Variants in ADAM12 observed in about 807,000 individuals in gnomAD.
The protein encoded by ADAM12 is disintegrin and metalloproteinase domain-containing protein 12.
ADAM12 carries 70 observed loss-of-function variants against 106.4 expected under a neutral mutation model. The observed-to-expected ratio is 0.66, with a 90% CI of 0.54 to 0.80. The LOEUF (loss-of-function observed/expected upper bound fraction) is 0.80, where lower values mean the gene tolerates loss of function less well. Ranked by LOEUF, ADAM12 falls within the 30% of genes least tolerant of loss-of-function variation. The pLI, the probability that ADAM12 is intolerant of heterozygous loss-of-function variation, is 0.00. For synonymous variants in ADAM12, 420 were observed against 433.5 expected, an observed-to-expected ratio of 0.97 and a Z score of 0.39; for missense variants, 1,010 against 1,171.9, an observed-to-expected ratio of 0.86 and a Z score of 2.02.
intron 4 of ADAM12, among the ~76,000 whole-genome samples, chr10:126,142,976 ATG>A (rs1956543274): frequency 6.6e-6 from 1 of 151,502 alleles, no homozygotes; most frequent in South Asian, 2.1e-4. Context: ...ATCAGTGTGC[ATG>A]TGTATATATG....
chr10:126,274,468 A>G (rs1390896154), intron 3 of ADAM12, among the ~76,000 whole-genome samples: 1 of 152,150 alleles, frequency 6.6e-6, no homozygotes, highest in Non-Finnish European at 1.5e-5. Flanking sequence ...AACTTGCAAC[A>G]TTTATTTTTT....
intron 10 of ADAM12, among the ~76,000 whole-genome samples, chr10:126,098,146 G>T (rs375067492): frequency 1.3e-5 from 2 of 152,338 alleles, no homozygotes; most frequent in Non-Finnish European, 2.9e-5. Context: ...GGTTTGGAAA[G>T]TCCTGGTTGA....
At chr10:126,028,740 C>T (rs1160161999) in intron 21 of ADAM12, among the ~76,000 whole-genome samples, 2 of 152,058 alleles carry the variant, frequency 1.3e-5, no homozygotes. Context: ...AGGACATAGG[C>T]ATGCGAAAAG....
chr10:126,314,369 C>T (rs1961253821), intron 2 of ADAM12, among the ~76,000 whole-genome samples: 1 of 152,098 alleles, frequency 6.6e-6, no homozygotes, highest in Admixed American at 6.5e-5. Context: ...GGGGGTGCTC[C>T]AAAGGGAGTT....
At position 126,128,715 on chromosome 10, in the gene ADAM12, C is replaced by A. The variant is rs375395395; in HGVS notation, c.416+6869G>T. On this transcript the variant is annotated intron_variant, in intron 5 of 22. Coordinates refer to ENST00000448723, the MANE Select transcript of ADAM12 (RefSeq NM_001288973.2). ...GTGTGTGGGAATGTGTGCAAGTGGG[C>A]GCCTGTGCGAGTGTGTGGTGCGTGT... 1.7e-3 allele frequency among the ~76,000 whole-genome samples: 222 copies of A among 128,444 alleles called. 2 individuals carry two copies. The highest frequency in any genetic ancestry group is 6.3e-3 in the African/African-American group (201 of 32,106). 84.3% of individuals were successfully genotyped at this position (128,444 alleles called of 152,430 possible).
intron 2 of ADAM12, among the ~76,000 whole-genome samples, chr10:126,309,632 T>G (rs1960994926): frequency 6.6e-6 from 1 of 152,214 alleles, no homozygotes; most frequent in Non-Finnish European, 1.5e-5. Flanking sequence ...TGCATTACAC[T>G]GAGTGGGAAT....
At chr10:126,193,018 C>A (rs1957531569) in intron 3 of ADAM12, among the ~76,000 whole-genome samples, 1 of 152,090 alleles carries the variant, frequency 6.6e-6, no homozygotes, top group South Asian at 2.1e-4. Context: ...GTAATCCCAG[C>A]ACTTTGGAAG....
At chr10:126,198,428 C>G (rs1020132003) in intron 3 of ADAM12, among the ~76,000 whole-genome samples, 17 of 152,258 alleles carry the variant, frequency 1.1e-4, no homozygotes, top group Admixed American at 1.1e-3. Flanking sequence ...TCTCCAGCTC[C>G]TGGAGCCATT....
intron 14 of ADAM12, among the ~76,000 whole-genome samples, chr10:126,059,968 T>A (rs1366076367): frequency 1.4e-5 from 2 of 142,404 alleles, no homozygotes; most frequent in Non-Finnish European, 1.5e-5. Context: ...CAAAGAGAGC[T>A]AAACGCCAAC....
intron 21 of ADAM12, among the ~76,000 whole-genome samples, chr10:126,025,961 A>G (rs999531603): frequency 6.6e-6 from 1 of 152,210 alleles, no homozygotes; most frequent in Non-Finnish European, 1.5e-5. Flanking sequence ...CAGACCTCCC[A>G]GTGGAAACCC....
chr10:126,215,328 C>T (rs945101934), intron 3 of ADAM12, among the ~76,000 whole-genome samples: 4 of 152,190 alleles, frequency 2.6e-5, no homozygotes, highest in African/African-American at 9.7e-5. Context: ...TCCCATGGTG[C>T]CTTCCTCTTT....
intron 2 of ADAM12, among the ~76,000 whole-genome samples, chr10:126,300,614 C>T (rs1590751406): frequency 1.3e-5 from 2 of 152,274 alleles, no homozygotes; most frequent in East Asian, 3.9e-4. Context: ...GTTTCATTAT[C>T]TCTGCTATTA....
intron 2 of ADAM12, among the ~76,000 whole-genome samples, chr10:126,312,523 G>T (rs1453208605): frequency 1.3e-5 from 2 of 152,114 alleles, no homozygotes; most frequent in African/African-American, 4.8e-5. Flanking sequence ...ATGAGATATG[G>T]ATGCCGTGTG....
At chr10:126,383,584 C>T (rs1416488275) in intron 1 of ADAM12, among the ~76,000 whole-genome samples, 6 of 151,648 alleles carry the variant, frequency 4.0e-5, no homozygotes, top group Non-Finnish European at 8.8e-5. Flanking sequence ...CTAGTGACAA[C>T]GAAAAAAGAT....
intron 2 of ADAM12, among the ~76,000 whole-genome samples, chr10:126,290,890 T>C (rs536737312): frequency 1.3e-5 from 2 of 152,308 alleles, no homozygotes; most frequent in Admixed American, 1.3e-4. Flanking sequence ...AGAAGACCTG[T>C]AAGATGCAGC....
At chr10:126,061,972 A>G (rs572986334) in intron 14 of ADAM12, among the ~76,000 whole-genome samples, 3 of 152,226 alleles carry the variant, frequency 2.0e-5, no homozygotes, top group African/African-American at 7.2e-5. Context: ...AGCACACTGC[A>G]CTCCCAAAGG....
intron 3 of ADAM12, among the ~76,000 whole-genome samples, chr10:126,159,748 G>GT (rs1223826693): frequency 6.6e-6 from 1 of 152,140 alleles, no homozygotes; most frequent in African/African-American, 2.4e-5. Context: ...TAATTTTAGG[G>GT]TTAAACAGCA....
At chr10:126,195,606 CA>C (rs747885235) in intron 3 of ADAM12, among the ~76,000 whole-genome samples, 1 of 152,012 alleles carries the variant, frequency 6.6e-6, no homozygotes, top group Non-Finnish European at 1.5e-5. Flanking sequence ...AAACAAAAAC[CA>C]ACATACGTTA....
At chr10:126,351,448 C>T (rs1243684373) in intron 1 of ADAM12, among the ~76,000 whole-genome samples, 1 of 152,212 alleles carries the variant, frequency 6.6e-6, no homozygotes, top group Non-Finnish European at 1.5e-5. Context: ...GTCCCTCCTG[C>T]TCTGGCCCTC....
Sources: gnomAD v4.1 joint callset for allele counts (sites outside exome capture counted in the v4.1 genomes callset) on GRCh38, gnomAD v4.1.1 for gene constraint, MANE v1.5 for transcripts, NCBI Gene and HGNC (gene_info 2026-07-23, HGNC 2026-07-21) for gene names.